Variants in TYW1 observed in about 807,000 individuals in gnomAD.
TYW1 encodes the protein S-adenosyl-L-methionine-dependent tRNA 4-demethylwyosine synthase TYW1.
In TYW1, 46 loss-of-function variants were observed where a neutral mutation model predicts 96.2. That is an observed-to-expected ratio of 0.48 (90% CI 0.38 to 0.61). TYW1 has a LOEUF of 0.61. Among genes scored for constraint, TYW1 ranks in the 20% least tolerant of loss-of-function variants. The pLI is 0.00. For synonymous variants in TYW1, 274 were observed against 323.0 expected, an observed-to-expected ratio of 0.85 and a Z score of 1.63; for missense variants, 684 against 909.6, an observed-to-expected ratio of 0.75 and a Z score of 3.19.
intron 6 of TYW1, among the ~76,000 whole-genome samples, chr7:67,018,641 C>T (rs537631072): frequency 2.6e-5 from 4 of 151,948 alleles, no homozygotes; most frequent in Middle Eastern, 3.4e-3. Context: ...TAAGCCATAT[C>T]GTGCTAGATG....
At chr7:67,119,166 C>T (rs182485290) in intron 13 of TYW1, among the ~76,000 whole-genome samples, 3 of 152,042 alleles carry the variant, frequency 2.0e-5, no homozygotes, top group East Asian at 1.9e-4. Context: ...CTTTTCTAAG[C>T]GTTCTTTATG....
At chr7:67,059,877 A>G (rs1257002839) in intron 9 of TYW1, among the ~76,000 whole-genome samples, 2 of 151,062 alleles carry the variant, frequency 1.3e-5, no homozygotes, top group Admixed American at 1.3e-4. Context: ...GGTTCAAGCA[A>G]TTCTCCTGCC....
chr7:67,047,365 A>C (rs184427406), intron 7 of TYW1, among the ~76,000 whole-genome samples: 1 of 152,366 alleles, frequency 6.6e-6, no homozygotes, highest in African/African-American at 2.4e-5. Context: ...ACTTCATCTC[A>C]GAAAACAAAA....
intron 13 of TYW1, among the ~76,000 whole-genome samples, chr7:67,171,802 T>C (rs1475090204): frequency 6.6e-6 from 1 of 152,262 alleles, no homozygotes; most frequent in South Asian, 2.1e-4. Flanking sequence ...GGTCAGTGTT[T>C]GCATAGTACA....
intron 13 of TYW1, among the ~76,000 whole-genome samples, chr7:67,151,804 T>TGTTG (rs34842692): frequency 7.9e-5 from 12 of 151,720 alleles, no homozygotes; most frequent in African/African-American, 1.2e-4. Flanking sequence ...TGCTGCTTTT[T>TGTTG]TTGTTGTTGT....
chr7:67,042,514 A>G (rs1795060439), intron 7 of TYW1, among the ~76,000 whole-genome samples: 1 of 152,220 alleles, frequency 6.6e-6, no homozygotes, highest in East Asian at 1.9e-4. Context: ...CCTAGAGTTG[A>G]CTGGGGGTAG....
At chr7:67,000,708 A>C (rs1793354562) in intron 3 of TYW1, among the ~76,000 whole-genome samples, 1 of 152,172 alleles carries the variant, frequency 6.6e-6, no homozygotes, top group Non-Finnish European at 1.5e-5. Context: ...CAAAGTGCTG[A>C]GATGATAGGC....
chr7:67,067,235 T>A (rs759671945), intron 9 of TYW1, 50 bp from the exon 10 acceptor site: 55 of 1,590,026 alleles, frequency 3.5e-5, no homozygotes, highest in Non-Finnish European at 4.5e-5. Flanking sequence ...GTGGTTTGTT[T>A]CTGTGCTTTG....
chr7:67,014,500 A>C lies in TYW1; in HGVS notation c.509A>C (p.Lys170Thr). ...TTTCGATTTGGCAAAACTTACCTGA[A>C]GGGTATGAGATATGCGGTATTTGGC... Reference protein sequence around the residue: ...IDFRFGKTYLKGMRYAVFGLG... With the variant: ...IDFRFGKTYLTGMRYAVFGLG... Residue 170 changes from lysine to threonine, a missense_variant, in exon 5 of 16, where the codon AAG becomes ACG. Lys to Thr is a moderately conservative substitution (Grantham distance 78, BLOSUM62 -1). Coordinates refer to ENST00000359626, the MANE Select transcript of TYW1 (RefSeq NM_018264.4). The C allele has an allele frequency of 6.2e-7, 1 of 1,613,948 alleles. No homozygotes were observed. The highest frequency in any genetic ancestry group is 8.5e-7 in the Non-Finnish European group (1 of 1,179,848).
chr7:67,202,707 T>C (rs117361335), intron 15 of TYW1, among the ~76,000 whole-genome samples: 1 of 152,318 alleles, frequency 6.6e-6, no homozygotes, highest in Non-Finnish European at 1.5e-5. Flanking sequence ...CCTCAATTTC[T>C]ACTAATAATC....
chr7:67,017,352 A>G (rs1794060114), intron 5 of TYW1, among the ~76,000 whole-genome samples: 1 of 152,172 alleles, frequency 6.6e-6, no homozygotes, highest in Non-Finnish European at 1.5e-5. Context: ...ACTCTTAACT[A>G]TGCCTCTGAT....
chr7:67,172,893 G>A (rs933352992), intron 13 of TYW1, among the ~76,000 whole-genome samples: 9 of 151,902 alleles, frequency 5.9e-5, no homozygotes, highest in Non-Finnish European at 1.3e-4. Context: ...TTCAAGGTAG[G>A]AGGATCACTT....
chr7:67,130,043 TCTA>T (rs1278040281), intron 13 of TYW1, among the ~76,000 whole-genome samples: 2 of 151,600 alleles, frequency 1.3e-5, no homozygotes, highest in African/African-American at 4.8e-5. Context: ...TGTGTTGATT[TCTA>T]CTTTTTTTTT....
At chr7:67,089,350 C>T in intron 11 of TYW1, 1 of 1,252,146 alleles carries the variant, frequency 8.0e-7, no homozygotes, top group Non-Finnish European at 1.2e-6. Flanking sequence ...GCGGCCCTGT[C>T]CATTCCCAAG....
intron 5 of TYW1, among the ~76,000 whole-genome samples, chr7:67,015,687 G>A (rs2129242011): frequency 6.6e-6 from 1 of 152,256 alleles, no homozygotes; most frequent in South Asian, 2.1e-4. Context: ...TTTTGGCTGG[G>A]CATGGTGGCT....
chr7:67,151,978 T>A (rs1255232874), intron 13 of TYW1, among the ~76,000 whole-genome samples: 1 of 152,004 alleles, frequency 6.6e-6, no homozygotes, highest in Non-Finnish European at 1.5e-5. Flanking sequence ...GGCTAATTTT[T>A]AAAATTTAAT....
At position 67,053,504 on chromosome 7, in the gene TYW1, C is replaced by T. The variant is rs1224766348; in HGVS notation, c.1103-2331C>T. On this transcript the variant is annotated intron_variant, in intron 8 of 15. Coordinates refer to ENST00000359626, the MANE Select transcript of TYW1 (RefSeq NM_018264.4). Reference sequence around the variant, plus strand: ...AAGCGATTCTCCTGCCTCAGCCTCCCGAGTAGCTGGGATTACATGCATACG... The same window carrying T: ...AAGCGATTCTCCTGCCTCAGCCTCCTGAGTAGCTGGGATTACATGCATACG... Among the ~76,000 whole-genome samples the T allele has an allele frequency of 2.6e-5, 4 of 151,844 alleles. No individual in the cohort carries two copies. The East Asian group carries it at 5.8e-4, about 22-fold the overall frequency.
At chr7:67,219,845 GTTTTTTT>G (rs57991071) in intron 15 of TYW1, among the ~76,000 whole-genome samples, 2 of 132,072 alleles carry the variant, frequency 1.5e-5, no homozygotes, top group Non-Finnish European at 3.2e-5. Flanking sequence ...GGTTTTGTGG[GTTTTTTT>G]TTTTTTTTTC....
At chr7:67,012,857 T>G (rs367866316) in intron 4 of TYW1, among the ~76,000 whole-genome samples, 1 of 151,670 alleles carries the variant, frequency 6.6e-6, no homozygotes, top group African/African-American at 2.4e-5. Flanking sequence ...AGACTTGATA[T>G]ATCCCCAAGG....
Sources: allele counts gnomAD v4.1 joint callset (sites outside exome capture counted in the v4.1 genomes callset), GRCh38; gene constraint gnomAD v4.1.1; transcripts MANE v1.5; gene names NCBI Gene and HGNC (gene_info 2026-07-23, HGNC 2026-07-21).